The following SYNE1 variants were observed in gnomAD, a reference collection of about 807,000 sequenced individuals.
The protein encoded by SYNE1 is nesprin-1.
A neutral mutation model predicts 1,111.0 loss-of-function variants in SYNE1; 616 were observed. That is an observed-to-expected ratio of 0.55 (90% CI 0.52 to 0.59). SYNE1 has a LOEUF of 0.59. Ranked by LOEUF, SYNE1 falls within the 20% of genes least tolerant of loss-of-function variation. The pLI is 0.00. For missense variants in SYNE1, 10,006 were observed against 10,417.0 expected, an observed-to-expected ratio of 0.96 and a Z score of 1.72; for synonymous variants, 3,855 against 3,825.8, an observed-to-expected ratio of 1.01 and a Z score of -0.28.
chr6:152,176,710 A>C, intron 129 of SYNE1, 150 bp from the exon 130 acceptor site: 1 of 786,852 alleles, frequency 1.3e-6, no homozygotes, highest in Non-Finnish European at 2.1e-6. Context: ...CCATGTGCAC[A>C]AGTATTAGTA....
At chr6:152,384,412 G>A (rs1311644267) in intron 55 of SYNE1, among the ~76,000 whole-genome samples, 2 of 152,120 alleles carry the variant, frequency 1.3e-5, no homozygotes, top group East Asian at 1.9e-4. Flanking sequence ...ATGGATAGAT[G>A]GAAGGATGGA....
intron 3 of SYNE1, among the ~76,000 whole-genome samples, chr6:152,565,453 T>C (rs1293622930): frequency 6.6e-6 from 1 of 152,196 alleles, no homozygotes. Flanking sequence ...GACTTATTAA[T>C]ACTCTTTGGC....
chr6:152,441,184 G>A lies in SYNE1; in HGVS notation c.4095C>T (p.Arg1365=). 1 of 1,613,524 alleles carries A rather than the reference G, an allele frequency of 6.2e-7. No individual in the cohort carries two copies. The highest frequency in any genetic ancestry group is 8.5e-7 in the Non-Finnish European group (1 of 1,179,742). ...TTTCCAAACTGCTAAAACTCAAGAA[G>A]CGTTCATGACTGGAACCTGTTTGAA... ...YLFQTGSSHE[R]FLSFSSLESL... The change falls in exon 32 of 146, where the codon CGC becomes CGT. Residue 1365 remains arginine, a synonymous_variant. Coordinates refer to ENST00000367255, the MANE Select transcript of SYNE1 (RefSeq NM_182961.4).
chr6:152,482,990 T>TGGGGG, intron 14 of SYNE1, 95 bp downstream of exon 14: 1 of 1,365,874 alleles, frequency 7.3e-7, no homozygotes, highest in African/African-American at 1.4e-5. Context: ...AATTAATATT[T>TGGGGG]GGGGCGTCCC....
intron 8 of SYNE1, among the ~76,000 whole-genome samples, chr6:152,506,222 C>T (rs2154332739): frequency 6.6e-6 from 1 of 152,254 alleles, no homozygotes; most frequent in South Asian, 2.1e-4. Context: ...TTTTTTCCTA[C>T]ATGTAACTTA....
chr6:152,463,844 A>ACAG (rs2098748671), intron 18 of SYNE1, among the ~76,000 whole-genome samples: 1 of 152,196 alleles, frequency 6.6e-6, no homozygotes. Context: ...CCTTCAGGCT[A>ACAG]GTAAATACCA....
intron 27 of SYNE1, 109 bp from the exon 28 acceptor site, chr6:152,449,750 C>T: frequency 1.1e-6 from 1 of 877,012 alleles, no homozygotes; most frequent in South Asian, 1.5e-5. Context: ...AAGTGATTAC[C>T]AAATTGATTA....
intron 41 of SYNE1, among the ~76,000 whole-genome samples, chr6:152,413,999 T>C (rs1041289212): frequency 3.4e-5 from 4 of 117,786 alleles, no homozygotes; most frequent in African/African-American, 1.0e-4. Flanking sequence ...TATATATATA[T>C]ATATATATAC....
Position 152,309,874 on chromosome 6 carries a change from C to T in SYNE1, c.17163G>A (p.Arg5721=). The change falls in exon 90 of 146, where the codon CGG becomes CGA. Residue 5721 remains arginine, a synonymous_variant. Coordinates refer to ENST00000367255, the MANE Select transcript of SYNE1 (RefSeq NM_182961.4). ...AALRLQEEAS[R]LQHTAIQQCN... ...ACTGCTGGATGGCGGTGTGCTGCAG[C>T]CGGCTGGCCTCTTCCTGCAGCCGCA... is the stretch of plus-strand genomic sequence containing the variant. 6.2e-7 allele frequency: 1 copy of T among 1,614,040 alleles called. No homozygotes were observed. The highest frequency in any genetic ancestry group is 8.5e-7 in the Non-Finnish European group (1 of 1,180,036).
rs923893708 is a variant in SYNE1 at position 152,387,647 on chromosome 6, C to T, written c.8178-266G>A. 5.3e-5 allele frequency among the ~76,000 whole-genome samples: 8 copies of T among 152,246 alleles called. No individual in the cohort carries two copies. The East Asian group carries it at 7.7e-4, about 15-fold the overall frequency. ...GCATCTGGAATTTGTCTTCCAAATG[C>T]TAACTATTCTAAATGAGCAATATAC... On this transcript the variant is annotated intron_variant, in intron 53 of 145. Transcript: ENST00000367255.
In SYNE1 at chr6:152,325,244, G is replaced by C; in HGVS notation, c.15497C>G (p.Ala5166Gly). Residue 5166 changes from alanine to glycine, a missense_variant, in exon 81 of 146, where the codon GCT (alanine) becomes GGT (glycine). By Grantham distance (60) the Ala-to-Gly change is moderately conservative. Transcript: ENST00000367255. ...HEKIVALEEK[A>G]SQLEKTGNDA... is the part of the protein sequence containing the mutation. ...ATTTCCGGTTTTCTCCAGTTGTGAAGCTTTTTCCTCAAGGGCCACAATTTT... is the reference window on the plus strand; with the variant it reads ...ATTTCCGGTTTTCTCCAGTTGTGAACCTTTTTCCTCAAGGGCCACAATTTT... 1 of 1,614,140 alleles carries C rather than the reference G, an allele frequency of 6.2e-7. No homozygotes were observed. The highest frequency in any genetic ancestry group is 8.5e-7 in the Non-Finnish European group (1 of 1,180,028).
intron 3 of SYNE1, among the ~76,000 whole-genome samples, chr6:152,574,173 C>G: frequency 7.0e-6 from 1 of 142,100 alleles, no homozygotes; most frequent in Middle Eastern, 3.6e-3. Flanking sequence ...TATATATATA[C>G]ACACATATAT....
Position 152,122,286 on chromosome 6 carries a change from A to G in SYNE1, c.*150T>C, listed in dbSNP as rs991872515. 2 of 1,229,670 alleles carry G rather than the reference A, an allele frequency of 1.6e-6. No homozygotes were observed. Among genetic ancestry groups the G allele is most frequent in the East Asian group, 4.7e-5 (2 of 42,676 alleles). The allele number at this position is 1,229,670 out of a possible 1,614,324, so 76.2% of individuals were successfully genotyped here. A position where few individuals can be genotyped will look rare whatever the true frequency, so the allele number is the denominator to read the frequency against. On this transcript the variant is annotated 3_prime_UTR_variant, in exon 146 of 146. Transcript: ENST00000367255. ...GTTTATCTTCCACCTCTGAAGCCAT[A>G]ATTTGCACACATGTGATCTGGAGGA...
chr6:152,361,845 T>TAA (rs71749478), intron 64 of SYNE1, among the ~76,000 whole-genome samples: 88 of 137,682 alleles, frequency 6.4e-4, no homozygotes, highest in Middle Eastern at 4.2e-3. Context: ...AGGGATGTGA[T>TAA]AAAAAAAAAA....
Position 152,362,252 on chromosome 6 carries a change from T to A in SYNE1, c.10217A>T (p.Asp3406Val), listed in dbSNP as rs546645393. Residue 3406 changes from aspartate to valine, a missense_variant, in exon 64 of 146, where the codon GAT (aspartate) becomes GTT (valine). Transcript: ENST00000367255. ...TTCATTCAGGTTGGCTTCCATACTA[T>A]CCATCCAACCGGAGAACTGTCGAAC... ...DGVRQFSGWMDSMEANLNESE... is the reference protein window; with the variant it reads ...DGVRQFSGWMVSMEANLNESE... 6 of 1,614,074 alleles carry A rather than the reference T, an allele frequency of 3.7e-6. No individual in the cohort carries two copies. In the Middle Eastern group the frequency reaches 6.6e-4, roughly 177 times the overall value.
intron 54 of SYNE1, 139 bp from the exon 55 acceptor site, chr6:152,385,977 T>C: frequency 1.3e-6 from 1 of 782,376 alleles, no homozygotes; most frequent in Non-Finnish European, 2.1e-6. Context: ...CTGAGTTTAA[T>C]ATCTTAAGAA....
rs2099162251 is a variant in SYNE1 at position 152,526,076 on chromosome 6, T to G, written c.225+4A>C. The G allele has an allele frequency of 6.2e-7, 1 of 1,613,690 alleles. No individual in the cohort carries two copies. Among genetic ancestry groups the G allele is most frequent in the Admixed American group, 1.7e-5 (1 of 59,982 alleles). On this transcript the variant is annotated splice_donor_region_variant and intron_variant, in intron 5 of 145. Coordinates refer to ENST00000367255, the MANE Select transcript of SYNE1 (RefSeq NM_182961.4). The stretch of plus-strand genomic sequence containing the variant: ...CAAGTATGATCACACAAAAAAATTC[T>G]TACCAGTTTCTGCCCAGACAGGACC...
chr6:152,558,370 A>T (rs947811033), intron 3 of SYNE1, among the ~76,000 whole-genome samples: 1 of 152,210 alleles, frequency 6.6e-6, no homozygotes, highest in African/African-American at 2.4e-5. Flanking sequence ...AATAGACTAA[A>T]TTCTTTAATC....
chr6:152,258,783 C>T (rs375512198), intron 101 of SYNE1, among the ~76,000 whole-genome samples: 4 of 150,308 alleles, frequency 2.7e-5, no homozygotes, highest in African/African-American at 7.4e-5. Context: ...CTTGCTCCAT[C>T]GCCCAGGCTG....
Sources: allele counts gnomAD v4.1 joint callset (sites outside exome capture counted in the v4.1 genomes callset), GRCh38; gene constraint gnomAD v4.1.1; transcripts MANE v1.5; gene names NCBI Gene and HGNC (gene_info 2026-07-23, HGNC 2026-07-21).